Variants in MTPN observed in about 807,000 individuals in gnomAD.
MTPN encodes the protein myotrophin.
MTPN carries 2 observed loss-of-function variants against 13.5 expected under a neutral mutation model. That is an observed-to-expected ratio of 0.15 (90% CI 0.06 to 0.47). MTPN has a LOEUF of 0.47. Ranked by LOEUF, MTPN falls within the 20% of genes least tolerant of loss-of-function variation. MTPN has a pLI of 0.97. For missense variants in MTPN, 79 were observed against 137.9 expected (o/e 0.57, Z 2.14); for synonymous variants, 46 against 51.7 (o/e 0.89, Z 0.48).
intron 1 of MTPN, among the ~76,000 whole-genome samples, chr7:135,966,539 CACA>C (rs1343985316): frequency 6.6e-6 from 1 of 151,278 alleles, no homozygotes. Context: ...TTTGCGCCAT[CACA>C]ACGTCAAAAA....
intron 1 of MTPN, among the ~76,000 whole-genome samples, chr7:135,959,537 G>A (rs1799491936): frequency 1.3e-5 from 2 of 152,122 alleles, no homozygotes; most frequent in South Asian, 4.1e-4. Flanking sequence ...AACATAAACG[G>A]TGAAATTCAC....
rs67168370 is a variant in MTPN, at chr7:135,972,231, GCACA to G, written c.72+4794_72+4797del. On this transcript the variant is annotated intron_variant, in intron 1 of 3. Coordinates refer to ENST00000393085, the MANE Select transcript of MTPN (RefSeq NM_145808.4). ...CACACGCGCACACGCGCACGCGCGC[GCACA>G]CACACACACACACACACACACACAC... 1.3e-3 allele frequency among the ~76,000 whole-genome samples: 164 copies of G among 124,700 alleles called. 1 individual carries two copies. Among genetic ancestry groups the G allele is most frequent in the South Asian group, 4.5e-3 (18 of 3,992 alleles). The allele number at this position is 124,700 out of a possible 152,430, so 81.8% of individuals were successfully genotyped here.
intron 1 of MTPN, among the ~76,000 whole-genome samples, chr7:135,969,612 G>A (rs1044171720): frequency 6.6e-6 from 1 of 151,960 alleles, no homozygotes; most frequent in Non-Finnish European, 1.5e-5. Flanking sequence ...TGAAGTTCCA[G>A]AAGAGCAAAT....
In MTPN at chr7:135,951,571, A is replaced by G; in HGVS notation, c.132T>C (p.Asp44=). Residue 44 remains aspartate (D), a synonymous_variant, in exon 2 of 4, where the codon GAT becomes GAC. Transcript: ENST00000393085. Reference sequence around the variant, plus strand: ...ATTCCAGGATTTCAAGCTGCCCACAATCTGCTGCATAATGAAGAGGTTTCC... The same window carrying G: ...ATTCCAGGATTTCAAGCTGCCCACAGTCTGCTGCATAATGAAGAGGTTTCC... ...GGRKPLHYAA[D]CGQLEILEFL... is the part of the protein sequence containing the mutation. The G allele has an allele frequency of 1.2e-6, 2 of 1,613,556 alleles. No homozygotes were observed. Among genetic ancestry groups the G allele is most frequent in the Non-Finnish European group, 1.7e-6 (2 of 1,179,686 alleles).
In MTPN at chr7:135,927,158, C is replaced by T; in HGVS notation, c.*2768G>A. Reference sequence around the variant, plus strand: ...ATTAGAAAAAAAAATCAAACAGATACATACAGATTTAAAATCCAGTACTTG... The same window carrying T: ...ATTAGAAAAAAAAATCAAACAGATATATACAGATTTAAAATCCAGTACTTG... On this transcript the variant is annotated 3_prime_UTR_variant, in exon 4 of 4. Transcript: ENST00000393085. The T allele has an allele frequency of 2.7e-6, 2 of 729,602 alleles. No homozygotes were observed. The highest frequency in any genetic ancestry group is 2.1e-6 in the Non-Finnish European group (1 of 478,486). The allele number at this position is 729,602 out of a possible 1,614,324, so 45.2% of individuals were successfully genotyped here. A position where few individuals can be genotyped will look rare whatever the true frequency, so the allele number is the denominator to read the frequency against.
At chr7:135,954,094 T>G (rs1459885379) in intron 1 of MTPN, among the ~76,000 whole-genome samples, 1 of 152,214 alleles carries the variant, frequency 6.6e-6, no homozygotes, top group East Asian at 1.9e-4. Context: ...TTTCTAAATT[T>G]TGGTTTCCTT....
intron 3 of MTPN, among the ~76,000 whole-genome samples, chr7:135,940,019 T>C (rs1799184315): frequency 1.3e-5 from 2 of 152,236 alleles, no homozygotes; most frequent in African/African-American, 4.8e-5. Flanking sequence ...TGTACTACTG[T>C]ATCATTAGAA....
chr7:135,972,259 A>C (rs994556868), intron 1 of MTPN, among the ~76,000 whole-genome samples: 24 of 111,348 alleles, frequency 2.2e-4, no homozygotes, highest in African/African-American at 6.0e-4. Context: ...ACACACACAC[A>C]CCCCATGTAG....
At chr7:135,974,220 CTT>C (rs916853787) in intron 1 of MTPN, among the ~76,000 whole-genome samples, 2 of 152,206 alleles carry the variant, frequency 1.3e-5, no homozygotes, top group Admixed American at 1.3e-4. Flanking sequence ...TAATTACTGA[CTT>C]TTAAAAATAC....
At chr7:135,941,861 C>T (rs1299248061) in intron 3 of MTPN, among the ~76,000 whole-genome samples, 10 of 151,024 alleles carry the variant, frequency 6.6e-5, no homozygotes, top group Admixed American at 4.0e-4. Flanking sequence ...AGGACAGTCA[C>T]ATATTGAGCT....
chr7:135,968,839 T>C (rs1401685932), intron 1 of MTPN, among the ~76,000 whole-genome samples: 1 of 151,776 alleles, frequency 6.6e-6, no homozygotes, highest in Non-Finnish European at 1.5e-5. Flanking sequence ...TTTTAAGGAA[T>C]CACCTGCAAA....
intron 1 of MTPN, among the ~76,000 whole-genome samples, chr7:135,969,238 TA>T (rs57871609): frequency 0.25 from 27,803 of 109,044 alleles, 2,726 homozygotes; most frequent in African/African-American, 0.29. Context: ...TAAAGTATAA[TA>T]AAAAAAAAAA....
chr7:135,931,852 A>G (rs1562927950), intron 3 of MTPN, among the ~76,000 whole-genome samples: 1 of 152,200 alleles, frequency 6.6e-6, no homozygotes, highest in Non-Finnish European at 1.5e-5. Flanking sequence ...TTATGGGTAC[A>G]TAACAGTTAT....
intron 1 of MTPN, among the ~76,000 whole-genome samples, chr7:135,974,564 A>T (rs982421861): frequency 2.0e-5 from 3 of 152,196 alleles, no homozygotes; most frequent in Non-Finnish European, 4.4e-5. Flanking sequence ...GGAGGAGGGG[A>T]ATACTAAAAT....
intron 3 of MTPN, among the ~76,000 whole-genome samples, chr7:135,936,079 A>G (rs1799111104): frequency 1.3e-5 from 2 of 152,176 alleles, no homozygotes; most frequent in South Asian, 4.1e-4. Context: ...TGATTGTTTT[A>G]CATATTTGTC....
At position 135,927,990 on chromosome 7, in the gene MTPN, G is replaced by C. The variant is rs957512124; in HGVS notation, c.*1936C>G. The C allele has an allele frequency of 3.6e-6, 1 of 274,086 alleles. No individual in the cohort carries two copies. Among genetic ancestry groups the C allele is most frequent in the African/African-American group, 2.3e-5 (1 of 43,174 alleles). The allele number at this position is 274,086 out of a possible 1,614,324, so 17.0% of individuals were successfully genotyped here. On this transcript the variant is annotated 3_prime_UTR_variant, in exon 4 of 4. Transcript: ENST00000393085. ...GCCTTTAAATAGCATTATGTCAAGA[G>C]GTGAAAACAAAGGTATCAAAACACC...
chr7:135,968,967 G>T (rs117141153), intron 1 of MTPN, among the ~76,000 whole-genome samples: 2,005 of 151,618 alleles, frequency 0.013, 19 homozygotes, highest in Non-Finnish European at 0.02. Context: ...AAAGATGATG[G>T]TTCAAATTAT....
intron 1 of MTPN, among the ~76,000 whole-genome samples, chr7:135,972,697 C>G (rs1459873824): frequency 6.6e-6 from 1 of 152,070 alleles, no homozygotes; most frequent in East Asian, 1.9e-4. Flanking sequence ...ATGAGCAAAA[C>G]AGTAAAAGAA....
chr7:135,931,342 C>A (rs558900477), intron 3 of MTPN, among the ~76,000 whole-genome samples: 2 of 152,072 alleles, frequency 1.3e-5, no homozygotes, highest in South Asian at 4.1e-4. Flanking sequence ...GGCAGGAGGG[C>A]GTTTTAAGGG....
Sources: allele counts gnomAD v4.1 joint callset (sites outside exome capture counted in the v4.1 genomes callset), GRCh38; gene constraint gnomAD v4.1.1; transcripts MANE v1.5; gene names NCBI Gene and HGNC (gene_info 2026-07-23, HGNC 2026-07-21).